The following NEK7 variants were observed in gnomAD, a reference collection of about 807,000 sequenced individuals.
The protein encoded by NEK7 is serine/threonine-protein kinase Nek7.
Under a neutral mutation model 44.6 loss-of-function variants are expected in NEK7, and 18 were observed. The ratio of observed to expected loss-of-function variants is 0.40; its 90% CI spans 0.28 to 0.60. The LOEUF (loss-of-function observed/expected upper bound fraction) is 0.60, where lower values mean the gene tolerates loss of function less well. Among genes scored for constraint, NEK7 ranks in the 20% least tolerant of loss-of-function variants. The probability of loss-of-function intolerance (pLI) is 0.38; values close to 1 mark genes in which losing one functional copy is unlikely to be tolerated. For missense variants in NEK7, 256 were observed against 366.5 expected, an observed-to-expected ratio of 0.70 and a Z score of 2.46; for synonymous variants, 130 against 121.1, an observed-to-expected ratio of 1.07 and a Z score of -0.48.
intron 1 of NEK7, among the ~76,000 whole-genome samples, chr1:198,222,162 C>T (rs1428388949): frequency 1.3e-5 from 2 of 151,634 alleles, no homozygotes; most frequent in Non-Finnish European, 2.9e-5. Context: ...AAATATGTGA[C>T]CATATGCAAT....
In NEK7 at chr1:198,240,283, C is replaced by T. The variant is rs116497888; in HGVS notation, c.57+7646C>T. On this transcript the variant is annotated intron_variant, in intron 2 of 9. Coordinates refer to ENST00000367385, the MANE Select transcript of NEK7 (RefSeq NM_133494.3). ...TACATACTTACGAGTGAGAGTACCTCATATTTTAAGGGAAATGCTTGAGAA... is the reference window on the plus strand; with the variant it reads ...TACATACTTACGAGTGAGAGTACCTTATATTTTAAGGGAAATGCTTGAGAA... Among the ~76,000 whole-genome samples, 636 of 152,200 alleles carry T rather than the reference C, an allele frequency of 4.2e-3. 4 individuals are homozygous for T. Among genetic ancestry groups the T allele is most frequent in the African/African-American group, 0.015 (617 of 41,538 alleles).
chr1:198,290,228 T>A (rs1654511151), intron 7 of NEK7, among the ~76,000 whole-genome samples: 1 of 152,200 alleles, frequency 6.6e-6, no homozygotes, highest in Non-Finnish European at 1.5e-5. Context: ...GGACAGTAAT[T>A]CGCATGATCA....
chr1:198,266,700 T>G (rs1571588854), intron 5 of NEK7, among the ~76,000 whole-genome samples: 1 of 152,102 alleles, frequency 6.6e-6, no homozygotes, highest in Non-Finnish European at 1.5e-5. Context: ...AGTGTTGTTA[T>G]GATGGTTAAG....
chr1:198,290,062 G>A (rs1202974860), intron 7 of NEK7, among the ~76,000 whole-genome samples: 1 of 152,080 alleles, frequency 6.6e-6, no homozygotes, highest in African/African-American at 2.4e-5. Flanking sequence ...TTTTTATAAT[G>A]TTATCATCCA....
At chr1:198,245,851 A>C (rs959817985) in intron 2 of NEK7, among the ~76,000 whole-genome samples, 2 of 152,124 alleles carry the variant, frequency 1.3e-5, no homozygotes, top group Admixed American at 6.6e-5. Flanking sequence ...TTTACACTCC[A>C]AATTAAGAAC....
chr1:198,271,907 A>T (rs201906076), intron 5 of NEK7, among the ~76,000 whole-genome samples: 28 of 78,224 alleles, frequency 3.6e-4, no homozygotes, highest in East Asian at 1.1e-3. Context: ...TTTATATTTT[A>T]TATATATATA....
chr1:198,264,975 A>T (rs1421404548), intron 5 of NEK7, among the ~76,000 whole-genome samples: 1 of 152,006 alleles, frequency 6.6e-6, no homozygotes, highest in Non-Finnish European at 1.5e-5. Flanking sequence ...GGCTATGTAA[A>T]TGTATCTGCT....
intron 1 of NEK7, among the ~76,000 whole-genome samples, chr1:198,201,837 T>C (rs890868981): frequency 3.3e-5 from 5 of 152,204 alleles, no homozygotes; most frequent in African/African-American, 1.2e-4. Context: ...TCTTCCGACA[T>C]AGTGACCATA....
At chr1:198,256,060 A>C (rs1653253387) in intron 3 of NEK7, among the ~76,000 whole-genome samples, 2 of 152,156 alleles carry the variant, frequency 1.3e-5, no homozygotes, top group South Asian at 2.1e-4. Context: ...GAATTTCCTC[A>C]TGCAACTTGT....
At chr1:198,174,762 G>GT (rs1005882186) in intron 1 of NEK7, among the ~76,000 whole-genome samples, 11 of 151,062 alleles carry the variant, frequency 7.3e-5, no homozygotes, top group African/African-American at 1.7e-4. Context: ...GTTTTTTGTT[G>GT]TTTTTTTTGG....
chr1:198,281,842 A>T (rs1370624496), intron 7 of NEK7, among the ~76,000 whole-genome samples: 1 of 152,078 alleles, frequency 6.6e-6, no homozygotes, highest in African/African-American at 2.4e-5. Context: ...ATAAATCAAC[A>T]TACAATAAAA....
chr1:198,319,412 C>A lies in NEK7; in HGVS notation c.799C>A (p.Leu267Ile). 6.2e-7 allele frequency: 1 copy of A among 1,607,516 alleles called. No individual in the cohort carries two copies. The highest frequency in any genetic ancestry group is 8.5e-7 in the Non-Finnish European group (1 of 1,176,116). The change falls in exon 10 of 10, where the codon CTC becomes ATC. Residue 267 changes from leucine to isoleucine, a missense_variant and splice_region_variant. Leu to Ile is a conservative substitution (Grantham distance 5, BLOSUM62 2). This residue lies in a region of NEK7 where 58 missense variants were observed against 66.5 expected (regional missense o/e 0.87). Transcript: ENST00000367385. ...TTTTATTGTTTTTCTTTCTTCACAG[C>A]TCCGACAGTTAGTTAATATGTGCAT... ...PLPSDHYSEELRQLVNMCINP... is the reference protein window; with the variant it reads ...PLPSDHYSEEIRQLVNMCINP...
intron 9 of NEK7, among the ~76,000 whole-genome samples, chr1:198,305,531 T>A (rs1654999592): frequency 6.6e-6 from 1 of 152,152 alleles, no homozygotes; most frequent in Non-Finnish European, 1.5e-5. Flanking sequence ...GTTCATCAGG[T>A]CACTATGTAA....
intron 1 of NEK7, among the ~76,000 whole-genome samples, chr1:198,157,601 C>T (rs908977428): frequency 1.3e-5 from 2 of 152,376 alleles, no homozygotes; most frequent in Admixed American, 6.5e-5. Context: ...GGTTTCGGGA[C>T]CCGAGGAACT....
At chr1:198,229,571 A>G (rs1467066265) in intron 1 of NEK7, among the ~76,000 whole-genome samples, 1 of 152,138 alleles carries the variant, frequency 6.6e-6, no homozygotes, top group African/African-American at 2.4e-5. Context: ...TAGTGTTGGA[A>G]TTGAATTGGA....
At chr1:198,226,369 A>C (rs939117216) in intron 1 of NEK7, among the ~76,000 whole-genome samples, 1 of 151,856 alleles carries the variant, frequency 6.6e-6, no homozygotes, top group African/African-American at 2.4e-5. Context: ...ACATGGTAAA[A>C]CCCTATCTCT....
intron 9 of NEK7, 81 bp from the exon 10 acceptor site, chr1:198,319,330 GC>G: frequency 1.3e-6 from 1 of 788,518 alleles, no homozygotes; most frequent in South Asian, 1.8e-5. Flanking sequence ...AAAATCTATA[GC>G]TATTCATAAT....
chr1:198,198,674 C>T (rs745685975), intron 1 of NEK7, among the ~76,000 whole-genome samples: 3 of 152,204 alleles, frequency 2.0e-5, no homozygotes, highest in Non-Finnish European at 4.4e-5. Flanking sequence ...GCCTGATTCT[C>T]AGCTCTTTCT....
intron 9 of NEK7, among the ~76,000 whole-genome samples, chr1:198,314,494 A>C (rs1655288058): frequency 1.3e-5 from 2 of 152,110 alleles, no homozygotes; most frequent in South Asian, 4.1e-4. Context: ...ATTCCTTTGG[A>C]GGAGGAGAGG....
Sources: allele counts gnomAD v4.1 joint callset (sites outside exome capture counted in the v4.1 genomes callset), GRCh38; gene constraint gnomAD v4.1.1; regional missense constraint gnomAD v4.1.1; transcripts MANE v1.5; gene names NCBI Gene and HGNC (gene_info 2026-07-23, HGNC 2026-07-21).